FOXJ3: variants seen among roughly 807,000 people sequenced by gnomAD.
The protein encoded by FOXJ3 is forkhead box J3.
In FOXJ3, 22 loss-of-function variants were observed where a neutral mutation model predicts 76.1. That is an observed-to-expected ratio of 0.29 (90% CI 0.21 to 0.41). The LOEUF is 0.41. Ranked by LOEUF, FOXJ3 falls within the 10% of genes least tolerant of loss-of-function variation. The pLI is 1.00. For synonymous variants in FOXJ3, 269 were observed against 261.2 expected, an observed-to-expected ratio of 1.03 and a Z score of -0.29; for missense variants, 613 against 762.1, an observed-to-expected ratio of 0.80 and a Z score of 2.30.
At chr1:42,189,222 C>A in intron 10 of FOXJ3, 81 bp downstream of exon 10, 1 of 942,574 alleles carries the variant, frequency 1.1e-6, no homozygotes, top group Non-Finnish European at 1.7e-6. Flanking sequence ...ATGTTTATTT[C>A]TACTACAAAG....
intron 4 of FOXJ3, among the ~76,000 whole-genome samples, chr1:42,251,369 T>C (rs947099059): frequency 3.3e-5 from 5 of 152,124 alleles, no homozygotes; most frequent in African/African-American, 4.8e-5. Context: ...GAAAAAAGTA[T>C]ACTGAGGATG....
intron 4 of FOXJ3, among the ~76,000 whole-genome samples, chr1:42,244,603 T>C (rs2124537247): frequency 6.6e-6 from 1 of 152,086 alleles, no homozygotes; most frequent in South Asian, 2.1e-4. Context: ...TAAAAGTTGG[T>C]TTTTTGAAAA....
At chr1:42,254,947 TA>T (rs1331193734) in intron 4 of FOXJ3, among the ~76,000 whole-genome samples, 41 of 150,300 alleles carry the variant, frequency 2.7e-4, no homozygotes, top group Non-Finnish European at 4.0e-4. Context: ...ACATGTACCC[TA>T]AAACTTAAAG....
intron 4 of FOXJ3, among the ~76,000 whole-genome samples, chr1:42,229,889 A>G (rs953866762): frequency 1.3e-5 from 2 of 152,238 alleles, no homozygotes; most frequent in Non-Finnish European, 2.9e-5. Context: ...CATAGAAATG[A>G]CAAATTCCAG....
intron 5 of FOXJ3, among the ~76,000 whole-genome samples, chr1:42,212,957 C>CAAAAAAAAA (rs1209892066): frequency 6.1e-5 from 4 of 65,286 alleles, no homozygotes; most frequent in East Asian, 5.0e-4. Context: ...TTGTATCTAG[C>CAAAAAAAAA]AAAAAAAAAA....
chr1:42,184,817 A>C (rs1646402262), intron 11 of FOXJ3, among the ~76,000 whole-genome samples: 1 of 152,064 alleles, frequency 6.6e-6, no homozygotes, highest in Non-Finnish European at 1.5e-5. Flanking sequence ...TGAGGAAATG[A>C]GTCATGTGTC....
intron 4 of FOXJ3, among the ~76,000 whole-genome samples, chr1:42,250,886 T>C (rs915330165): frequency 1.8e-4 from 17 of 95,252 alleles, no homozygotes; most frequent in African/African-American, 6.6e-4. Flanking sequence ...ATCCTGAAAA[T>C]AGATAAGTAG....
intron 1 of FOXJ3, 37 bp from the exon 2 acceptor site, chr1:42,311,147 A>G (rs1654784064): frequency 1.5e-6 from 2 of 1,293,884 alleles, no homozygotes; most frequent in Non-Finnish European, 2.2e-6. Context: ...CAGATACTGC[A>G]AAGTAAATTA....
intron 4 of FOXJ3, among the ~76,000 whole-genome samples, chr1:42,228,328 C>T (rs1647753489): frequency 6.6e-6 from 1 of 151,910 alleles, no homozygotes; most frequent in South Asian, 2.1e-4. Context: ...GTTTCTATAG[C>T]CCAGGACCTC....
At chr1:42,320,455 G>A (rs536053067) in intron 1 of FOXJ3, among the ~76,000 whole-genome samples, 3 of 152,146 alleles carry the variant, frequency 2.0e-5, no homozygotes, top group South Asian at 2.1e-4. Flanking sequence ...TCCCAAAATC[G>A]TATCATGTGG....
chr1:42,280,351 C>T (rs1004764664), intron 2 of FOXJ3: 28 of 969,786 alleles, frequency 2.9e-5, no homozygotes, highest in Non-Finnish European at 3.3e-5. Flanking sequence ...TTACCTTACT[C>T]ATTTTCTCAA....
At chr1:42,246,902 T>A (rs1649598669) in intron 4 of FOXJ3, among the ~76,000 whole-genome samples, 1 of 152,148 alleles carries the variant, frequency 6.6e-6, no homozygotes, top group Admixed American at 6.5e-5. Flanking sequence ...TGGATGGAAC[T>A]GAAAGTATGT....
intron 3 of FOXJ3, 68 bp from the exon 4 acceptor site, chr1:42,265,257 G>C: frequency 1.3e-6 from 1 of 784,688 alleles, no homozygotes; most frequent in South Asian, 1.8e-5. Context: ...TTTAAAAACA[G>C]AATTAGAAAT....
chr1:42,291,878 G>A (rs867663948), intron 2 of FOXJ3, among the ~76,000 whole-genome samples: 21 of 152,004 alleles, frequency 1.4e-4, no homozygotes, highest in South Asian at 4.1e-4. Context: ...TTTAAAGGGC[G>A]AAAGACTTGA....
chr1:42,261,672 A>T (rs1651048776), intron 4 of FOXJ3, among the ~76,000 whole-genome samples: 1 of 152,216 alleles, frequency 6.6e-6, no homozygotes, highest in Non-Finnish European at 1.5e-5. Context: ...AATACAGAGA[A>T]GATGCTATAC....
intron 3 of FOXJ3, among the ~76,000 whole-genome samples, chr1:42,266,952 G>A (rs1651510002): frequency 6.6e-6 from 1 of 152,118 alleles, no homozygotes; most frequent in African/African-American, 2.4e-5. Context: ...TCTGCTGCTG[G>A]AGGAAAAGTA....
rs200082919 is a variant in FOXJ3 at position 42,278,520 on chromosome 1, A to G, written c.197T>C (p.Leu66Pro). Reference sequence around the variant, plus strand: ...GTGCTGTTGGACTTCTTCCTGGTCCAGAGTTGTATTTGGGTCAAGGAGTGC... The same window carrying G: ...GTGCTGTTGGACTTCTTCCTGGTCCGGAGTTGTATTTGGGTCAAGGAGTGC... ...KNALLDPNTT[L>P]DQEEVQQHKD... Residue 66 changes from leucine (L) to proline (P), a missense_variant, in exon 3 of 13, where the codon CTG becomes CCG. Physicochemically the swap from Leu to Pro is moderately conservative, Grantham distance 98. Coordinates refer to ENST00000361346, the MANE Select transcript of FOXJ3 (RefSeq NM_014947.5). 6.2e-7 allele frequency: 1 copy of G among 1,614,164 alleles called. No individual in the cohort carries two copies. Among genetic ancestry groups the G allele is most frequent in the Non-Finnish European group, 8.5e-7 (1 of 1,180,012 alleles).
intron 9 of FOXJ3, among the ~76,000 whole-genome samples, chr1:42,190,911 T>C (rs1004972232): frequency 1.3e-5 from 2 of 152,216 alleles, no homozygotes; most frequent in Non-Finnish European, 2.9e-5. Context: ...AAGTCAGACA[T>C]GTCAGAATAT....
intron 4 of FOXJ3, among the ~76,000 whole-genome samples, chr1:42,250,755 G>A (rs1031448267): frequency 2.8e-4 from 37 of 133,708 alleles, no homozygotes; most frequent in Non-Finnish European, 5.0e-4. Flanking sequence ...GAGAAATCAC[G>A]CCATTGCACT....
Sources: gnomAD v4.1 joint callset for allele counts (sites outside exome capture counted in the v4.1 genomes callset) on GRCh38, gnomAD v4.1.1 for gene constraint, MANE v1.5 for transcripts, NCBI Gene and HGNC (gene_info 2026-07-23, HGNC 2026-07-21) for gene names.